RYR1: variants seen among roughly 807,000 people sequenced by gnomAD.
The protein encoded by RYR1 is ryanodine receptor 1.
RYR1 carries 342 observed loss-of-function variants against 583.5 expected under a neutral mutation model. The observed-to-expected ratio is 0.59, with a 90% CI of 0.54 to 0.64. The LOEUF is 0.64. Among genes scored for constraint, RYR1 ranks in the 30% least tolerant of loss-of-function variants. The pLI is 0.00. For missense variants in RYR1, 6,032 were observed against 6,917.2 expected, an observed-to-expected ratio of 0.87 and a Z score of 4.54; for synonymous variants, 2,791 against 2,822.5, an observed-to-expected ratio of 0.99 and a Z score of 0.35.
rs1043965810 is a variant in RYR1, at chr19:38,500,207, G to T, written c.7323+191G>T. 6.6e-5 allele frequency among the ~76,000 whole-genome samples: 10 copies of T among 152,112 alleles called. No individual in the cohort carries two copies. Among genetic ancestry groups the T allele is most frequent in the Non-Finnish European group, 1.5e-5 (1 of 68,028 alleles). On this transcript the variant is annotated intron_variant, in intron 45 of 105. Coordinates refer to ENST00000359596, the MANE Select transcript of RYR1 (RefSeq NM_000540.3). This position sits in a 1 kb window ranked among gnomAD's most constrained non-coding sequence, Gnocchi z 5.9. ...TCACAGAGCTCCCAGTCCAATGGGG[G>T]AGACGGACAGTGACACCCAGAGTGG...
At chr19:38,552,577 G>T (rs972407127) in intron 89 of RYR1, among the ~76,000 whole-genome samples, 4 of 152,118 alleles carry the variant, frequency 2.6e-5, no homozygotes, top group African/African-American at 7.2e-5. Context: ...CCCATTTTAT[G>T]GATGTGGAAA....
At chr19:38,502,751 T>TGGGGCAGGGTGGGGCA in intron 48 of RYR1, 24 bp downstream of exon 48, 1 of 1,045,444 alleles carries the variant, frequency 9.6e-7, no homozygotes, top group East Asian at 2.8e-5. Context: ...GGCTTCAGGG[T>TGGGGCAGGGTGGGGCA]GGGGCAGGGG....
In RYR1 at chr19:38,585,108, TG is replaced by T; in HGVS notation, c.14803+12del. 4 of 1,613,418 alleles carry T rather than the reference TG, an allele frequency of 2.5e-6. No individual in the cohort carries two copies. Among genetic ancestry groups the T allele is most frequent in the Non-Finnish European group, 3.4e-6 (4 of 1,179,700 alleles). ...GTTGGCCATCATCCAGGGTCAGTGC[TG>T]GGAGTGGGCGCTCAGGGCCCGGAGG... is the stretch of plus-strand genomic sequence containing the variant. On this transcript the variant is annotated intron_variant, in intron 102 of 105. Coordinates refer to ENST00000359596, the MANE Select transcript of RYR1 (RefSeq NM_000540.3).
At chr19:38,538,242 A>T (rs1330293242) in intron 84 of RYR1, among the ~76,000 whole-genome samples, 1 of 152,260 alleles carries the variant, frequency 6.6e-6, no homozygotes, top group Non-Finnish European at 1.5e-5. Context: ...TACTAAAAAT[A>T]TAAAAAAAAT....
chr19:38,526,816 T>C, intron 71 of RYR1, 177 bp from the exon 72 acceptor site: 1 of 639,524 alleles, frequency 1.6e-6, no homozygotes, highest in Non-Finnish European at 2.8e-6. Context: ...CTCCGGCCCC[T>C]CTAGGACCCC....
chr19:38,561,420 C>T lies in RYR1; in HGVS notation c.12590C>T (p.Ser4197Leu). Residue 4197 changes from serine (S) to leucine (L), a missense_variant, in exon 90 of 106, where the codon TCA (serine) becomes TTA (leucine). By Grantham distance (145) the Ser-to-Leu change is moderately radical (BLOSUM62 -2). Coordinates refer to ENST00000359596, the MANE Select transcript of RYR1 (RefSeq NM_000540.3). This position sits in a 1 kb window ranked among gnomAD's most constrained non-coding sequence, Gnocchi z 4.8. ...ATCGAGCGCATCTACTTCGAGATCT[C>T]AGAGACCAACCGCGCCCAGTGGGAG... ...RRIERIYFEI[S>L]ETNRAQWEMP... is the part of the protein sequence containing the mutation. 6.2e-7 allele frequency: 1 copy of T among 1,611,736 alleles called. No homozygotes were observed. The highest frequency in any genetic ancestry group is 8.5e-7 in the Non-Finnish European group (1 of 1,179,820).
At chr19:38,466,559 T>G (rs1280228203) in intron 24 of RYR1, among the ~76,000 whole-genome samples, 161 bp downstream of exon 24, 1 of 147,468 alleles carries the variant, frequency 6.8e-6, no homozygotes, top group Non-Finnish European at 1.5e-5. Context: ...TGGAGTGCAA[T>G]GGCGCGATCT....
In RYR1 at chr19:38,499,035, CAGGGCAG is replaced by C; in HGVS notation, c.6892-67_6892-61del. 1.3e-5 allele frequency: 20 copies of C among 1,590,168 alleles called. No individual in the cohort carries two copies. The highest frequency in any genetic ancestry group is 1.7e-5 in the Non-Finnish European group (20 of 1,166,438). ...TGAGGAGCCGCAGGGCAGGGCAGGG[CAGGGCAG>C]AGGGCTGAGCCCCAGGAGGAAGGTG... is the stretch of plus-strand genomic sequence containing the variant. On this transcript the variant is annotated intron_variant, in intron 42 of 105. Transcript: ENST00000359596. The surrounding 1 kb of genome is among the most constrained non-coding windows in gnomAD (Gnocchi z 7.3).
chr19:38,486,766 C>T (rs547821271), intron 34 of RYR1, among the ~76,000 whole-genome samples: 28 of 152,328 alleles, frequency 1.8e-4, no homozygotes, highest in African/African-American at 6.7e-4. Flanking sequence ...ATCTATCCAA[C>T]CAACCATCAT....
intron 31 of RYR1, among the ~76,000 whole-genome samples, chr19:38,482,749 G>A (rs1449623151): frequency 2.6e-5 from 4 of 152,074 alleles, no homozygotes; most frequent in Non-Finnish European, 5.9e-5. Context: ...CACACTCTCT[G>A]GGTTTTGAAT....
At chr19:38,459,085 CTT>C (rs1967587550) in intron 18 of RYR1, 59 bp from the exon 19 acceptor site, 1 of 1,430,026 alleles carries the variant, frequency 7.0e-7, no homozygotes, top group East Asian at 2.3e-5. Flanking sequence ...TCCCTTTTCT[CTT>C]GTTATCATTG....
At position 38,448,817 on chromosome 19, in the gene RYR1, G is replaced by T. The variant is rs746285676; in HGVS notation, c.1122+4G>T. 6 of 1,613,202 alleles carry T rather than the reference G, an allele frequency of 3.7e-6. No individual in the cohort carries two copies. The highest frequency in any genetic ancestry group is 5.1e-6 in the Non-Finnish European group (6 of 1,179,836). ...GCTCGGCGTGCTCAAGAAGAAGGTG[G>T]GTGTAATCCCAGCTACTCAGGAGGC... is the stretch of plus-strand genomic sequence containing the variant. On this transcript the variant is annotated splice_donor_region_variant and intron_variant, in intron 11 of 105. Coordinates refer to ENST00000359596, the MANE Select transcript of RYR1 (RefSeq NM_000540.3).
Position 38,463,535 on chromosome 19 carries a change from G to GC in RYR1, c.2682+9dup. ...GGCTGGACCTACGGCCCGGTGAGGG[G>GC]CTGCCTGCAGCCTGCGGGAGGCCGG... is the stretch of plus-strand genomic sequence containing the variant. On this transcript the variant is annotated intron_variant, in intron 21 of 105. Transcript: ENST00000359596. 1 of 1,610,374 alleles carries GC rather than the reference G, an allele frequency of 6.2e-7. No individual in the cohort carries two copies. The highest frequency in any genetic ancestry group is 1.1e-5 in the South Asian group (1 of 91,026).
intron 89 of RYR1, among the ~76,000 whole-genome samples, chr19:38,558,486 CA>C: frequency 6.6e-6 from 1 of 152,090 alleles, no homozygotes; most frequent in African/African-American, 2.4e-5. Context: ...TATGTACCCA[CA>C]AAAATGAAAA....
At chr19:38,585,462 C>T (rs148812876) in intron 102 of RYR1, among the ~76,000 whole-genome samples, 1,829 of 145,532 alleles carry the variant, frequency 0.013, 38 homozygotes, top group African/African-American at 0.042. Context: ...GTGTGTGTGT[C>T]TATATATATA....
rs371441593 is a variant in RYR1, at chr19:38,570,646, G to T, written c.13699G>T (p.Ala4567Ser). The change falls in exon 94 of 106, where the codon GCC becomes TCC. Residue 4567 changes from alanine to serine, a missense_variant. Around this residue, in one of 11 missense-constraint regions of RYR1, gnomAD observed 35 missense variants for 66.0 expected, o/e 0.53. Coordinates refer to ENST00000359596, the MANE Select transcript of RYR1 (RefSeq NM_000540.3). The part of the protein sequence containing the change: ...SRNFYTLRFL[A>S]LFLAFAINFI... ...GAACTTTTACACCCTGCGGTTCCTT[G>T]CCCTCTTCTTGGCATTTGCCATCAA... 1.9e-6 allele frequency: 3 copies of T among 1,613,994 alleles called. No homozygotes were observed. Among genetic ancestry groups the T allele is most frequent in the Non-Finnish European group, 1.7e-6 (2 of 1,179,974 alleles).
At chr19:38,555,547 A>G (rs577082495) in intron 89 of RYR1, among the ~76,000 whole-genome samples, 6 of 152,158 alleles carry the variant, frequency 3.9e-5, no homozygotes, top group African/African-American at 1.4e-4. Flanking sequence ...CCACAATGTC[A>G]TCACTCCTAA....
At chr19:38,487,930 C>T (rs1162542708) in intron 34 of RYR1, among the ~76,000 whole-genome samples, 2 of 152,258 alleles carry the variant, frequency 1.3e-5, no homozygotes, top group Admixed American at 6.5e-5. Flanking sequence ...CTCTGCTCAA[C>T]CTAATTTTGT....
At chr19:38,476,565 T>C (rs1968741385) in intron 29 of RYR1, among the ~76,000 whole-genome samples, 1 of 152,126 alleles carries the variant, frequency 6.6e-6, no homozygotes, top group African/African-American at 2.4e-5. Flanking sequence ...ATCCCCGACC[T>C]CAAATGATCC....
Sources: gnomAD v4.1 joint callset for allele counts (sites outside exome capture counted in the v4.1 genomes callset) on GRCh38, gnomAD v4.1.1 for gene constraint, gnomAD v4.1.1 regional missense constraint, Gnocchi (gnomAD v3.1) non-coding constraint, MANE v1.5 for transcripts, NCBI Gene and HGNC (gene_info 2026-07-23, HGNC 2026-07-21) for gene names.